The following NEMP2 variants were observed in gnomAD, a reference collection of about 807,000 sequenced individuals.
NEMP2 encodes the protein nuclear envelope integral membrane protein 2, also known as UPF0571 transmembrane protein.
In NEMP2, 53 loss-of-function variants were observed where a neutral mutation model predicts 54.2. That is an observed-to-expected ratio of 0.98 (90% CI 0.78 to 1.23). The LOEUF (loss-of-function observed/expected upper bound fraction) is 1.23, where lower values mean the gene tolerates loss of function less well. Among genes scored for constraint, NEMP2 ranks in the 50% most tolerant of loss-of-function variants. NEMP2 has a pLI of 0.00. For missense variants in NEMP2, 455 were observed against 511.3 expected (o/e 0.89, Z 1.06); for synonymous variants, 197 against 190.3 (o/e 1.04, Z -0.29).
chr2:190,585,430 C>T, the NEMP2 span, among the ~76,000 whole-genome samples: 2 of 152,170 alleles, frequency 1.3e-5, no homozygotes, highest in South Asian at 4.1e-4. This position sits in a 1 kb window ranked among gnomAD's most constrained non-coding sequence, Gnocchi z 5.3. Flanking sequence ...AGATAAGAAA[C>T]AGCACCCACT....
At chr2:190,425,167 C>T in the NEMP2 span, among the ~76,000 whole-genome samples, 4 of 152,026 alleles carry the variant, frequency 2.6e-5, no homozygotes, top group Non-Finnish European at 5.9e-5. This position sits in a 1 kb window ranked among gnomAD's most constrained non-coding sequence, Gnocchi z 4.3. Context: ...TACAGAAATA[C>T]AATTAATTAT....
chr2:190,429,846 CT>C, the NEMP2 span, among the ~76,000 whole-genome samples: 5 of 151,024 alleles, frequency 3.3e-5, no homozygotes, highest in Non-Finnish European at 5.9e-5. Context: ...TGCTCTTGTT[CT>C]TTTTTTTTCT....
the NEMP2 span, chr2:190,436,912 G>T: frequency 6.2e-7 from 1 of 1,614,220 alleles, no homozygotes; most frequent in Non-Finnish European, 8.5e-7. The surrounding 1 kb of genome is among the most constrained non-coding windows in gnomAD (Gnocchi z 5.3). Flanking sequence ...CTTGGTAGTT[G>T]TCATAATAGG....
At chr2:190,537,781 A>G (rs1465923301), upstream of NEMP2, among the ~76,000 whole-genome samples, 1 of 152,208 alleles carries the variant, frequency 6.6e-6, no homozygotes, top group African/African-American at 2.4e-5. Context: ...AGTTTGCATA[A>G]GTCACAAGGA....
At position 190,525,681 on chromosome 2, in the gene NEMP2, T is replaced by C. The variant is rs1374039815; in HGVS notation, c.98-303A>G. The stretch of plus-strand genomic sequence containing the variant: ...CACCTTCTCAGAAAAGACAAAAATA[T>C]GAGTAAAGGGCTGAAGGGCAAGGTA... On this transcript the variant is annotated intron_variant, in intron 1 of 8. Coordinates refer to ENST00000409150, the MANE Select transcript of NEMP2 (RefSeq NM_001142645.2). This position sits in a 1 kb window ranked among gnomAD's most constrained non-coding sequence, Gnocchi z 5.0. Among the ~76,000 whole-genome samples the C allele has an allele frequency of 6.6e-6, 1 of 151,478 alleles. No homozygotes were observed. Among genetic ancestry groups the C allele is most frequent in the African/African-American group, 2.4e-5 (1 of 41,170 alleles).
the NEMP2 span, among the ~76,000 whole-genome samples, chr2:190,572,863 ATATATATATATATG>A: frequency 2.3e-5 from 3 of 128,918 alleles, no homozygotes; most frequent in South Asian, 2.4e-4. Context: ...ATATATATAT[ATATATATATATATG>A]TATATATTTT....
At chr2:190,432,710 C>T in the NEMP2 span, among the ~76,000 whole-genome samples, 4 of 152,150 alleles carry the variant, frequency 2.6e-5, no homozygotes, top group African/African-American at 2.4e-5. Context: ...AGCCACCGCA[C>T]CTGGCCAAAA....
chr2:190,454,689 G>A, the NEMP2 span, among the ~76,000 whole-genome samples: 1 of 152,022 alleles, frequency 6.6e-6, no homozygotes, highest in Non-Finnish European at 1.5e-5. This position sits in a 1 kb window ranked among gnomAD's most constrained non-coding sequence, Gnocchi z 4.6. Flanking sequence ...AGAAATAAAT[G>A]TCTATTGCTT....
chr2:190,572,855 A>G, the NEMP2 span, among the ~76,000 whole-genome samples: 11 of 127,284 alleles, frequency 8.6e-5, no homozygotes, highest in African/African-American at 3.0e-4. Context: ...ATATATATAT[A>G]TATATATATA....
the NEMP2 span, among the ~76,000 whole-genome samples, chr2:190,585,107 A>G: frequency 6.6e-6 from 1 of 152,116 alleles, no homozygotes; most frequent in Non-Finnish European, 1.5e-5. The surrounding 1 kb of genome is among the most constrained non-coding windows in gnomAD (Gnocchi z 5.3). Context: ...AAAGACAAAC[A>G]TGGTATTTTC....
chr2:190,440,761 G>A, the NEMP2 span, among the ~76,000 whole-genome samples: 15 of 152,132 alleles, frequency 9.9e-5, no homozygotes, highest in Admixed American at 4.6e-4. Flanking sequence ...AATATTATCC[G>A]GGGGGGTTAC....
At chr2:190,435,002 CTCCTTATGAGAACCTAAGAAT>C in the NEMP2 span, among the ~76,000 whole-genome samples, 1 of 152,320 alleles carries the variant, frequency 6.6e-6, no homozygotes, top group Non-Finnish European at 1.5e-5. Flanking sequence ...AGGTTGTGTG[CTCCTTATGAGAACCTAAGAAT>C]TACCCTGATG....
the NEMP2 span, among the ~76,000 whole-genome samples, chr2:190,591,965 G>A: frequency 1.3e-5 from 2 of 152,150 alleles, no homozygotes; most frequent in Non-Finnish European, 2.9e-5. This position sits in a 1 kb window ranked among gnomAD's most constrained non-coding sequence, Gnocchi z 5.4. Flanking sequence ...ACTACAAAAT[G>A]TTAAATGGGA....
the NEMP2 span, chr2:190,477,173 G>C: frequency 1.2e-6 from 1 of 803,604 alleles, no homozygotes; most frequent in Non-Finnish European, 1.5e-6. Context: ...CCTGCACGTT[G>C]TGCACATGTA....
At chr2:190,445,001 C>A in the NEMP2 span, 1 of 270,900 alleles carries the variant, frequency 3.7e-6, no homozygotes, top group Non-Finnish European at 5.7e-6. Context: ...ATTTTACAGC[C>A]CACCTGAGGA....
At chr2:190,476,309 C>CT in the NEMP2 span, among the ~76,000 whole-genome samples, 1 of 152,172 alleles carries the variant, frequency 6.6e-6, no homozygotes, top group Non-Finnish European at 1.5e-5. Context: ...ATCTACTCAT[C>CT]TGACAAAGGG....
chr2:190,534,498 C>A (rs953063904), intron 1 of NEMP2, 61 bp downstream of exon 1: 3 of 1,331,676 alleles, frequency 2.3e-6, no homozygotes, highest in East Asian at 6.3e-5. Flanking sequence ...GCCCTCAGGG[C>A]AGCCGCGAAG....
At chr2:190,599,016 C>T in the NEMP2 span, among the ~76,000 whole-genome samples, 1 of 152,138 alleles carries the variant, frequency 6.6e-6, no homozygotes, top group Non-Finnish European at 1.5e-5. Flanking sequence ...TTTCAACCAA[C>T]ATTTATCAAA....
Position 190,509,393 on chromosome 2 carries a change from T to C in NEMP2, c.1131-81A>G. The C allele has an allele frequency of 6.9e-7, 1 of 1,457,118 alleles. No homozygotes were observed. Among genetic ancestry groups the C allele is most frequent in the Non-Finnish European group, 9.3e-7 (1 of 1,071,012 alleles). The allele number at this position is 1,457,118 out of a possible 1,614,324, so 90.3% of individuals were successfully genotyped here. A position where few individuals can be genotyped will look rare whatever the true frequency, so the allele number is the denominator to read the frequency against. ...AAAGATAACATGTTCCCTTGCTATT[T>C]ATCCCCTTTAATTAAATTTGACTTT... On this transcript the variant is annotated intron_variant, in intron 8 of 8. Transcript: ENST00000409150. The surrounding 1 kb of genome is among the most constrained non-coding windows in gnomAD (Gnocchi z 6.1).
Sources: allele counts gnomAD v4.1 joint callset (sites outside exome capture counted in the v4.1 genomes callset), GRCh38; gene constraint gnomAD v4.1.1; non-coding constraint Gnocchi (gnomAD v3.1); transcripts MANE v1.5; gene names NCBI Gene and HGNC (gene_info 2026-07-23, HGNC 2026-07-21).